OR7C1: variants seen among roughly 807,000 people sequenced by gnomAD.
OR7C1 encodes olfactory receptor 7C1.
For synonymous variants in OR7C1, 152 were observed against 160.7 expected, an observed-to-expected ratio of 0.95 and a Z score of 0.41; for missense variants, 324 against 383.3, an observed-to-expected ratio of 0.85 and a Z score of 1.29.
At chr19:14,815,855 T>C (rs937436637) in intron 1 of OR7C1, among the ~76,000 whole-genome samples, 1 of 151,548 alleles carries the variant, frequency 6.6e-6, no homozygotes, top group African/African-American at 2.4e-5. Context: ...AAGGTCTTGC[T>C]CTGTTGCCCA....
At chr19:14,831,984 C>T (rs1434129472) in intron 1 of OR7C1, among the ~76,000 whole-genome samples, 1 of 152,200 alleles carries the variant, frequency 6.6e-6, no homozygotes, top group Non-Finnish European at 1.5e-5. Flanking sequence ...TCATAGCTCA[C>T]TGCAGCCTCA....
chr19:14,814,599 T>C (rs1239079620), intron 1 of OR7C1, among the ~76,000 whole-genome samples: 3 of 152,110 alleles, frequency 2.0e-5, no homozygotes, highest in African/African-American at 4.8e-5. Flanking sequence ...AATTTTTGTA[T>C]TTTTAGTAGA....
At chr19:14,804,135 T>C (rs1390777889) in intron 2 of OR7C1, among the ~76,000 whole-genome samples, 4 of 152,184 alleles carry the variant, frequency 2.6e-5, no homozygotes, top group Non-Finnish European at 4.4e-5. Flanking sequence ...GTAGCTGATA[T>C]TCAAGCTCTG....
At chr19:14,820,664 T>A (rs2044736802) in intron 1 of OR7C1, among the ~76,000 whole-genome samples, 1 of 152,150 alleles carries the variant, frequency 6.6e-6, no homozygotes, top group Non-Finnish European at 1.5e-5. Flanking sequence ...CTAATTTAGA[T>A]CTTACCTTGT....
At chr19:14,830,886 C>A (rs2044825350) in intron 1 of OR7C1, among the ~76,000 whole-genome samples, 1 of 152,110 alleles carries the variant, frequency 6.6e-6, no homozygotes, top group African/African-American at 2.4e-5. Context: ...TATCACCTGA[C>A]CCTCAGCTGA....
chr19:14,827,735 G>A (rs1450667261), intron 1 of OR7C1: 1 of 1,614,092 alleles, frequency 6.2e-7, no homozygotes, highest in South Asian at 1.1e-5. Flanking sequence ...CTAAGGCTGT[G>A]CAGAAGGACA....
At chr19:14,807,146 C>CT (rs1237169111) in intron 2 of OR7C1, among the ~76,000 whole-genome samples, 1 of 151,950 alleles carries the variant, frequency 6.6e-6, no homozygotes, top group African/African-American at 2.4e-5. Flanking sequence ...TGATGTTGAG[C>CT]TTTTTTTCAT....
intron 1 of OR7C1, among the ~76,000 whole-genome samples, chr19:14,817,686 A>C (rs2044722014): frequency 6.6e-6 from 1 of 152,232 alleles, no homozygotes; most frequent in Non-Finnish European, 1.5e-5. Context: ...TTGTTTGCTT[A>C]GTTGACTGAT....
intron 1 of OR7C1, among the ~76,000 whole-genome samples, chr19:14,815,268 A>G (rs144809591): frequency 6.6e-6 from 1 of 152,346 alleles, no homozygotes; most frequent in East Asian, 1.9e-4. Flanking sequence ...CTGTTCTGAA[A>G]AGAACTTTTG....
At chr19:14,805,653 G>T (rs75147821) in intron 2 of OR7C1, among the ~76,000 whole-genome samples, 1 of 151,674 alleles carries the variant, frequency 6.6e-6, no homozygotes, top group African/African-American at 2.4e-5. Flanking sequence ...GACCTCAAGC[G>T]ATCCACTTTT....
chr19:14,803,733 G>A (rs1248449885), intron 2 of OR7C1, among the ~76,000 whole-genome samples: 4 of 150,660 alleles, frequency 2.7e-5, no homozygotes, highest in South Asian at 4.2e-4. Flanking sequence ...TTTTTGAGAC[G>A]GAGTGTCGCT....
intron 1 of OR7C1, chr19:14,828,222 G>A: frequency 1.2e-6 from 2 of 1,611,958 alleles, no homozygotes; most frequent in Non-Finnish European, 1.7e-6. Context: ...TGAAATTTGT[G>A]TATCATTTCC....
At chr19:14,799,710 G>A in exon 5 of OR7C1, 1 of 1,614,126 alleles carries the variant, frequency 6.2e-7, no homozygotes, top group Non-Finnish European at 8.5e-7. Context: ...AGAACCAGCA[G>A]TCCACAGAGC....
Position 14,799,387 on chromosome 19 carries a change from C to A in OR7C1, c.750G>T (p.Leu250Phe), listed in dbSNP as rs201216341. 16 of 1,613,920 alleles carry A rather than the reference C, an allele frequency of 9.9e-6. No individual in the cohort carries two copies. In the African/African-American group the frequency reaches 1.1e-4, roughly 11 times the overall value. Residue 250 changes from leucine to phenylalanine, a missense_variant, in exon 5 of 5, where the codon TTG becomes TTT. Transcript: ENST00000641666. Reference sequence around the variant, plus strand: ...AGACCCCAAAGCCCGTGCCATAGAACAAGGTGACCACTGAGAGGTGGGAAC... The same window carrying A: ...AGACCCCAAAGCCCGTGCCATAGAAAAAGGTGACCACTGAGAGGTGGGAAC...
chr19:14,814,668 A>G (rs2044707965), intron 1 of OR7C1, among the ~76,000 whole-genome samples: 1 of 152,076 alleles, frequency 6.6e-6, no homozygotes, highest in African/African-American at 2.4e-5. Flanking sequence ...CAGGTGATCC[A>G]CCTGCCTCGG....
intron 1 of OR7C1, among the ~76,000 whole-genome samples, chr19:14,813,196 CAAATT>C (rs752098951): frequency 7.3e-5 from 11 of 151,682 alleles, no homozygotes; most frequent in South Asian, 2.1e-4. Flanking sequence ...ACAAAATTAA[CAAATT>C]AAATCCAAAA....
intron 2 of OR7C1, among the ~76,000 whole-genome samples, 194 bp from the exon 3 acceptor site, chr19:14,800,958 G>A (rs2044638629): frequency 6.6e-6 from 1 of 152,144 alleles, no homozygotes; most frequent in African/African-American, 2.4e-5. Context: ...TTTTCTCTAT[G>A]GAGAGAGGTG....
chr19:14,830,997 C>A (rs1235313757), intron 1 of OR7C1, among the ~76,000 whole-genome samples: 1 of 152,248 alleles, frequency 6.6e-6, no homozygotes, highest in East Asian at 1.9e-4. Flanking sequence ...AAATCCCCAG[C>A]AAGCCTTTGC....
chr19:14,819,804 A>G (rs1671520155), intron 1 of OR7C1, among the ~76,000 whole-genome samples: 2 of 152,276 alleles, frequency 1.3e-5, no homozygotes, highest in South Asian at 4.1e-4. Context: ...ATATTCTTTC[A>G]TTTCCAAGTT....
Sources: gnomAD v4.1 joint callset for allele counts (sites outside exome capture counted in the v4.1 genomes callset) on GRCh38, gnomAD v4.1.1 for gene constraint, MANE v1.5 for transcripts, NCBI Gene and HGNC (gene_info 2026-07-23, HGNC 2026-07-21) for gene names.